RAB31: variants seen among roughly 807,000 people sequenced by gnomAD.
RAB31 encodes the protein RAB31, member RAS oncogene family, also known as ras-related protein Rab-31.
RAB31 carries 21 observed loss-of-function variants against 25.6 expected under a neutral mutation model. The observed-to-expected ratio is 0.82, with a 90% confidence interval of 0.58 to 1.18. The LOEUF is 1.18. Ranked by LOEUF, RAB31 falls within the 50% of genes most tolerant of loss-of-function variation. The probability of loss-of-function intolerance (pLI) is 0.00; values close to 1 mark genes in which losing one functional copy is unlikely to be tolerated. For missense variants in RAB31, 196 were observed against 250.1 expected (o/e 0.78, Z 1.46); for synonymous variants, 87 against 84.0 (o/e 1.04, Z -0.20).
intron 1 of RAB31, among the ~76,000 whole-genome samples, chr18:9,745,660 A>T (rs2068201924): frequency 6.6e-6 from 1 of 152,224 alleles, no homozygotes; most frequent in East Asian, 1.9e-4. Context: ...AATACACCAT[A>T]TTAATAGAAA....
At chr18:9,717,214 C>T (rs78630837) in intron 1 of RAB31, among the ~76,000 whole-genome samples, 3,517 of 152,210 alleles carry the variant, frequency 0.023, 120 homozygotes, top group African/African-American at 0.081. Context: ...TCGGATTTAA[C>T]ATCAGGTCAC....
chr18:9,827,057 A>C (rs894493945), intron 5 of RAB31, among the ~76,000 whole-genome samples: 2 of 151,790 alleles, frequency 1.3e-5, no homozygotes, highest in Non-Finnish European at 2.9e-5. Context: ...CTTCTGCTTG[A>C]TCTTGTTTTC....
intron 1 of RAB31, among the ~76,000 whole-genome samples, chr18:9,723,873 T>A (rs1599012632): frequency 6.6e-6 from 1 of 152,042 alleles, no homozygotes; most frequent in Non-Finnish European, 1.5e-5. Context: ...CCCAAACACC[T>A]CCCGCGAGGC....
At chr18:9,804,157 G>A (rs376164422) in intron 3 of RAB31, among the ~76,000 whole-genome samples, 333 of 152,344 alleles carry the variant, frequency 2.2e-3, no homozygotes, top group African/African-American at 7.0e-3. Context: ...CTTCTGCCCT[G>A]CTCTTGCCCC....
chr18:9,770,436 A>G (rs1260191300), intron 1 of RAB31, among the ~76,000 whole-genome samples: 1 of 152,208 alleles, frequency 6.6e-6, no homozygotes, highest in African/African-American at 2.4e-5. Context: ...TCCTGATTTC[A>G]TAATTATAGA....
chr18:9,762,635 A>G (rs992752554), intron 1 of RAB31, among the ~76,000 whole-genome samples: 1 of 152,072 alleles, frequency 6.6e-6, no homozygotes, highest in Non-Finnish European at 1.5e-5. Flanking sequence ...GAGTTTGTAC[A>G]TCGGGACAAA....
intron 1 of RAB31, among the ~76,000 whole-genome samples, chr18:9,754,220 T>G (rs928724584): frequency 6.6e-6 from 1 of 152,206 alleles, no homozygotes; most frequent in Admixed American, 6.5e-5. Flanking sequence ...TTTGTGGACT[T>G]AACAACTTTG....
At chr18:9,814,819 T>C (rs1022166007) in intron 4 of RAB31, 37 of 240,496 alleles carry the variant, frequency 1.5e-4, no homozygotes, top group African/African-American at 7.6e-4. Flanking sequence ...GTCCTGTTAT[T>C]CTTATTCATG....
chr18:9,853,900 T>G (rs914679036), intron 6 of RAB31, among the ~76,000 whole-genome samples: 9 of 151,838 alleles, frequency 5.9e-5, no homozygotes, highest in Non-Finnish European at 1.2e-4. Flanking sequence ...AAAGGTGCCT[T>G]TGAGTGGTAG....
intron 1 of RAB31, among the ~76,000 whole-genome samples, chr18:9,739,962 A>G (rs2068169722): frequency 6.6e-6 from 1 of 152,240 alleles, no homozygotes; most frequent in Non-Finnish European, 1.5e-5. Flanking sequence ...CAATGAGGAC[A>G]CTGCCAGGCC....
chr18:9,803,516 C>T (rs57222606), intron 3 of RAB31, among the ~76,000 whole-genome samples: 2,545 of 152,234 alleles, frequency 0.017, 65 homozygotes, highest in African/African-American at 0.058. Context: ...ATATTCCCTT[C>T]CTCCATGCCC....
At position 9,831,989 on chromosome 18, in the gene RAB31, A is replaced by C. The variant is rs951977785; in HGVS notation, c.381-13593A>C. On this transcript the variant is annotated intron_variant, in intron 5 of 6. Transcript: ENST00000578921. ...GCCTGCCACCCGTCATGAAATGCCTACTCAGCTGTTACTGGCCCCCTGTGG... is the reference window on the plus strand; with the variant it reads ...GCCTGCCACCCGTCATGAAATGCCTCCTCAGCTGTTACTGGCCCCCTGTGG... Among the ~76,000 whole-genome samples, 3 of 152,162 alleles carry C rather than the reference A, an allele frequency of 2.0e-5. No individual in the cohort carries two copies. In the South Asian group the frequency reaches 6.2e-4, roughly 32 times the overall value.
chr18:9,781,758 T>C (rs1177942421), intron 2 of RAB31, among the ~76,000 whole-genome samples: 1 of 152,192 alleles, frequency 6.6e-6, no homozygotes, highest in East Asian at 1.9e-4. Context: ...TGAGAAAATG[T>C]TTTCAAACAC....
chr18:9,835,196 T>C (rs1323763811), intron 5 of RAB31, among the ~76,000 whole-genome samples: 1 of 152,196 alleles, frequency 6.6e-6, no homozygotes, highest in African/African-American at 2.4e-5. Flanking sequence ...CCAGAGCCTG[T>C]GTTCTTGACC....
chr18:9,805,294 A>AAG (rs1555689225), intron 3 of RAB31, among the ~76,000 whole-genome samples: 2 of 151,538 alleles, frequency 1.3e-5, no homozygotes, highest in Non-Finnish European at 2.9e-5. Context: ...AAAAAAAAAA[A>AAG]AAGAAATAAG....
chr18:9,829,975 TTTTC>T (rs1307716269), intron 5 of RAB31, among the ~76,000 whole-genome samples: 3 of 151,710 alleles, frequency 2.0e-5, no homozygotes, highest in African/African-American at 2.4e-5. Flanking sequence ...TATATTTTCA[TTTTC>T]TTTATGTTGT....
In RAB31 at chr18:9,845,602, C is replaced by T. The variant is rs1356383084; in HGVS notation, c.401C>T (p.Ala134Val). 1 of 1,556,378 alleles carries T rather than the reference C, an allele frequency of 6.4e-7. No individual in the cohort carries two copies. The highest frequency in any genetic ancestry group is 1.2e-5 in the South Asian group (1 of 82,718). Residue 134 changes from alanine (A) to valine (V), a missense_variant, in exon 6 of 7, where the codon GCT (alanine) becomes GTT (valine). Coordinates refer to ENST00000578921, the MANE Select transcript of RAB31 (RefSeq NM_006868.4). ...TCCAGGGAGGTTCCCCTGAAGGATGCTAAGGAATACGCTGAATCCATAGGT... is the reference window on the plus strand; with the variant it reads ...TCCAGGGAGGTTCCCCTGAAGGATGTTAAGGAATACGCTGAATCCATAGGT... ...SDIREVPLKD[A>V]KEYAESIGAI...
chr18:9,820,280 T>A (rs998758634), intron 5 of RAB31, among the ~76,000 whole-genome samples: 1 of 152,126 alleles, frequency 6.6e-6, no homozygotes. Context: ...TTCAAAAAAC[T>A]TTTTACATAT....
intron 2 of RAB31, among the ~76,000 whole-genome samples, chr18:9,789,386 G>A (rs976633073): frequency 6.6e-6 from 1 of 152,098 alleles, no homozygotes; most frequent in African/African-American, 2.4e-5. Context: ...AGGATTTTGG[G>A]TGTTCACAAC....
Sources: gnomAD v4.1 joint callset for allele counts (sites outside exome capture counted in the v4.1 genomes callset) on GRCh38, gnomAD v4.1.1 for gene constraint, MANE v1.5 for transcripts, NCBI Gene and HGNC (gene_info 2026-07-23, HGNC 2026-07-21) for gene names.